Variants in MPDZ observed in about 807,000 individuals in gnomAD.
MPDZ encodes the protein multiple PDZ domain crumbs cell polarity complex component.
Under a neutral mutation model 239.1 loss-of-function variants are expected in MPDZ, and 234 were observed. The ratio of observed to expected loss-of-function variants is 0.98; its 90% confidence interval spans 0.88 to 1.09. The LOEUF is 1.09. Ranked by LOEUF, MPDZ falls within the 50% of genes least tolerant of loss-of-function variation. MPDZ has a pLI of 0.00. For missense variants in MPDZ, 3,175 were observed against 2,510.0 expected (o/e 1.26, Z -5.66); for synonymous variants, 1,048 against 881.3 (o/e 1.19, Z -3.35).
In MPDZ at chr9:13,108,962, T is replaced by C. The variant is rs1332806177; in HGVS notation, c.6040A>G (p.Ile2014Val). Residue 2014 changes from isoleucine (I) to valine (V), a missense_variant, in exon 46 of 47, where the codon ATT becomes GTT. Coordinates refer to ENST00000319217, the MANE Select transcript of MPDZ (RefSeq NM_001378778.1). Reference protein sequence around the residue: ...GYGSPHGDLPIYVKTVFAKGA... With the variant: ...GYGSPHGDLPVYVKTVFAKGA... ...TTTGCAAACACTGTTTTAACATAAA[T>C]GGGTAAGTCTCCATGAGGGCTGCCA... 3 of 1,610,238 alleles carry C rather than the reference T, an allele frequency of 1.9e-6. No homozygotes were observed. Among genetic ancestry groups the C allele is most frequent in the African/African-American group, 2.7e-5 (2 of 74,780 alleles).
chr9:13,249,493 A>G (rs1967325769), intron 2 of MPDZ, among the ~76,000 whole-genome samples: 1 of 152,182 alleles, frequency 6.6e-6, no homozygotes, highest in Admixed American at 6.5e-5. Context: ...AAAAGTCATC[A>G]TAGTGATCCC....
chr9:13,219,813 T>G, intron 7 of MPDZ, 45 bp from the exon 8 acceptor site: 1 of 1,563,898 alleles, frequency 6.4e-7, no homozygotes. Context: ...TTATTTTAAC[T>G]GCAACAGATA....
chr9:13,166,645 T>C (rs1322396440), intron 22 of MPDZ, among the ~76,000 whole-genome samples: 1 of 152,058 alleles, frequency 6.6e-6, no homozygotes, highest in Non-Finnish European at 1.5e-5. Flanking sequence ...TAATTTAAGA[T>C]TCTATAGTAC....
chr9:13,157,167 C>T (rs1488770212), intron 24 of MPDZ, among the ~76,000 whole-genome samples: 1 of 152,096 alleles, frequency 6.6e-6, no homozygotes, highest in East Asian at 1.9e-4. Context: ...TTTATTTATT[C>T]ACTATGTAAC....
chr9:13,240,201 G>A (rs879717944), intron 3 of MPDZ, among the ~76,000 whole-genome samples: 2 of 151,768 alleles, frequency 1.3e-5, no homozygotes, highest in African/African-American at 2.4e-5. Flanking sequence ...TCTGCTTAGA[G>A]GAAAATAAAA....
intron 8 of MPDZ, 94 bp downstream of exon 8, chr9:13,219,465 G>C (rs528260737): frequency 9.3e-7 from 1 of 1,073,524 alleles, no homozygotes; most frequent in Non-Finnish European, 1.4e-6. Context: ...ACTAATATAG[G>C]AACATTAGTA....
intron 11 of MPDZ, 21 bp downstream of exon 11, chr9:13,205,895 A>C: frequency 2.6e-6 from 4 of 1,540,786 alleles, no homozygotes; most frequent in Non-Finnish European, 3.5e-6. Context: ...CTAACTAAAA[A>C]CCAGATTAAC....
intron 21 of MPDZ, among the ~76,000 whole-genome samples, chr9:13,171,822 G>T (rs1004543613): frequency 5.9e-5 from 9 of 152,048 alleles, no homozygotes; most frequent in African/African-American, 2.2e-4. Flanking sequence ...GAAAAAATTA[G>T]CCACAAAGCT....
chr9:13,158,257 CG>C (rs143825512), intron 23 of MPDZ, 147 bp from the exon 24 acceptor site: 2 of 627,426 alleles, frequency 3.2e-6, no homozygotes, highest in Non-Finnish European at 2.7e-6. Context: ...ATTTTTACAT[CG>C]GGGGGAAGAA....
chr9:13,117,581 G>A (rs1388870837), intron 39 of MPDZ, among the ~76,000 whole-genome samples: 1 of 150,522 alleles, frequency 6.6e-6, no homozygotes, highest in Non-Finnish European at 1.5e-5. Flanking sequence ...ATACATGTTT[G>A]CCATGCATCC....
chr9:13,219,918 C>A, intron 7 of MPDZ, 150 bp from the exon 8 acceptor site: 1 of 704,324 alleles, frequency 1.4e-6, no homozygotes, highest in Middle Eastern at 2.9e-4. Context: ...TATTAACTGT[C>A]TTTTGAAACA....
In MPDZ at chr9:13,119,541, A is replaced by G; in HGVS notation, c.5340T>C (p.Val1780=). Residue 1780 remains valine (V), a synonymous_variant, in exon 39 of 47, where the codon GTT becomes GTC. Transcript: ENST00000319217. ...DQILMVNGED[V]RNATQEAVAA... ...CAACCGCTTCTTGGGTGGCATTACG[A>G]ACGTCTTCCCCATTCACCATTAATA... is the stretch of plus-strand genomic sequence containing the variant. 1 of 1,613,278 alleles carries G rather than the reference A, an allele frequency of 6.2e-7. No homozygotes were observed. Among genetic ancestry groups the G allele is most frequent in the Non-Finnish European group, 8.5e-7 (1 of 1,179,626 alleles).
Position 13,125,327 on chromosome 9 carries a change from C to T in MPDZ, c.4696G>A (p.Asp1566Asn), listed in dbSNP as rs749624939. Residue 1566 changes from aspartate to asparagine, a missense_variant, in exon 35 of 47, where the codon GAT (aspartate) becomes AAT (asparagine). Coordinates refer to ENST00000319217, the MANE Select transcript of MPDZ (RefSeq NM_001378778.1). ...VKLTIHAENP[D>N]SQAVPSAAGA... ...GCTGCTGAAGGAACAGCCTGGGAAT[C>T]TGGATTCTCAGCATGGATGGTAAGT... 1.2e-5 allele frequency: 20 copies of T among 1,613,860 alleles called. No individual in the cohort carries two copies. Among genetic ancestry groups the T allele is most frequent in the Non-Finnish European group, 1.7e-5 (20 of 1,179,768 alleles).
intron 3 of MPDZ, among the ~76,000 whole-genome samples, chr9:13,227,467 T>C (rs1230087131): frequency 6.6e-6 from 1 of 152,034 alleles, no homozygotes; most frequent in African/African-American, 2.4e-5. Context: ...ATAATGAAAT[T>C]TGTGACAGCC....
intron 30 of MPDZ, 61 bp from the exon 31 acceptor site, chr9:13,136,243 T>C: frequency 8.7e-7 from 1 of 1,147,408 alleles, no homozygotes; most frequent in Non-Finnish European, 1.3e-6. Flanking sequence ...TTCTCTTACT[T>C]CAAGAGTCAG....
chr9:13,261,867 CAAAAA>C (rs34852528), intron 1 of MPDZ, among the ~76,000 whole-genome samples: 1 of 98,286 alleles, frequency 1.0e-5, no homozygotes, highest in African/African-American at 3.8e-5. Flanking sequence ...CCTGTCTCTA[CAAAAA>C]AAAAAAAAAA....
Position 13,113,360 on chromosome 9 carries a change from G to T in MPDZ, c.5558-306C>A, listed in dbSNP as rs559916650. ...TTTGCATAGAAAGGCACATGTGCACGGCTGAGAGGAATAAAGTCATGGATG... is the reference window on the plus strand; with the variant it reads ...TTTGCATAGAAAGGCACATGTGCACTGCTGAGAGGAATAAAGTCATGGATG... On this transcript the variant is annotated intron_variant, in intron 41 of 46. Transcript: ENST00000319217. 9.1e-4 allele frequency among the ~76,000 whole-genome samples: 139 copies of T among 152,062 alleles called. 1 individual carries two copies. The South Asian group carries it at 9.4e-3, about 10-fold the overall frequency.
intron 35 of MPDZ, among the ~76,000 whole-genome samples, chr9:13,124,540 T>C (rs991093288): frequency 2.6e-5 from 4 of 152,202 alleles, no homozygotes; most frequent in African/African-American, 9.6e-5. Flanking sequence ...TACACACCAG[T>C]GTATTCTTTC....
At chr9:13,140,289 T>C (rs1456903978) in intron 27 of MPDZ, 140 bp from the exon 28 acceptor site, 2 of 393,870 alleles carry the variant, frequency 5.1e-6, no homozygotes, top group Non-Finnish European at 4.1e-6. Context: ...TATATGTATA[T>C]AATATATATA....
Sources: gnomAD v4.1 joint callset for allele counts (sites outside exome capture counted in the v4.1 genomes callset) on GRCh38, gnomAD v4.1.1 for gene constraint, MANE v1.5 for transcripts, NCBI Gene and HGNC (gene_info 2026-07-23, HGNC 2026-07-21) for gene names.